The following ANP32A variants were observed in gnomAD, a reference collection of about 807,000 sequenced individuals.
The protein encoded by ANP32A is acidic leucine-rich nuclear phosphoprotein 32 family member A.
A neutral mutation model predicts 33.9 loss-of-function variants in ANP32A; 1 was observed. That is an observed-to-expected ratio of 0.03 (90% CI 0.01 to 0.14). ANP32A has a LOEUF of 0.14. Ranked by LOEUF, ANP32A falls within the 10% of genes least tolerant of loss-of-function variation. The pLI, the probability that ANP32A is intolerant of heterozygous loss-of-function variation, is 1.00. For synonymous variants in ANP32A, 115 were observed against 120.5 expected, an observed-to-expected ratio of 0.95 and a Z score of 0.30; for missense variants, 155 against 306.0, an observed-to-expected ratio of 0.51 and a Z score of 3.68.
chr15:68,812,471 A>G (rs1894326333), intron 1 of ANP32A, among the ~76,000 whole-genome samples: 1 of 152,126 alleles, frequency 6.6e-6, no homozygotes, highest in East Asian at 1.9e-4. Flanking sequence ...TATGCTGAGA[A>G]GGTTGGAGGG....
chr15:68,807,694 TAAC>T (rs967285816), intron 1 of ANP32A, among the ~76,000 whole-genome samples: 1 of 152,204 alleles, frequency 6.6e-6, no homozygotes, highest in African/African-American at 2.4e-5. Flanking sequence ...CTTTCCGTGC[TAAC>T]AACAAGCTCT....
chr15:68,784,447 T>A lies in ANP32A; in HGVS notation c.476A>T (p.Asp159Val). The A allele has an allele frequency of 6.2e-7, 1 of 1,614,030 alleles. No individual in the cohort carries two copies. Among genetic ancestry groups the A allele is most frequent in the Non-Finnish European group, 8.5e-7 (1 of 1,180,036 alleles). The change falls in exon 4 of 7, where the codon GAT becomes GTT. Residue 159 changes from aspartate (D) to valine (V), a missense_variant. Asp to Val is a radical substitution (Grantham distance 152, BLOSUM62 -3). This residue lies in a region of ANP32A where 85 missense variants were observed against 183.8 expected (regional missense o/e 0.46). Coordinates refer to ENST00000465139, the MANE Select transcript of ANP32A (RefSeq NM_006305.4). ...DRDDKEAPDS[D>V]AEGYVEGLDD... ...CAGGCCCTCCACGTAGCCCTCAGCA[T>A]CCGAGTCAGGGGCCTCCTTGTCGTC...
At chr15:68,787,597 A>G in intron 2 of ANP32A, 62 bp from the exon 3 acceptor site, 1 of 1,611,120 alleles carries the variant, frequency 6.2e-7, no homozygotes, top group Non-Finnish European at 8.5e-7. Context: ...ACCGGCTCAG[A>G]GCTGCCCGGC....
chr15:68,817,091 A>C (rs1306096609), intron 1 of ANP32A, among the ~76,000 whole-genome samples: 1 of 152,248 alleles, frequency 6.6e-6, no homozygotes, highest in Non-Finnish European at 1.5e-5. Context: ...TCAGCTCGTG[A>C]GGTGCTTAAC....
intron 1 of ANP32A, among the ~76,000 whole-genome samples, chr15:68,808,340 C>T (rs371201075): frequency 6.7e-6 from 1 of 150,020 alleles, no homozygotes; most frequent in African/African-American, 2.5e-5. Context: ...GGGTTGAAAT[C>T]GGCTTTACTA....
Position 68,816,899 on chromosome 15 carries a change from C to A in ANP32A, c.54+3799G>T, listed in dbSNP as rs185680541. On this transcript the variant is annotated intron_variant, in intron 1 of 6. Coordinates refer to ENST00000465139, the MANE Select transcript of ANP32A (RefSeq NM_006305.4). ...GAACTCAGGCTCAATTTTCTGCCTG[C>A]GAGTTCCTGGTTGGCTTGCATAAAC... Among the ~76,000 whole-genome samples, 3 of 152,262 alleles carry A rather than the reference C, an allele frequency of 2.0e-5. No individual in the cohort carries two copies. The East Asian group carries it at 5.8e-4, about 29-fold the overall frequency.
At chr15:68,782,588 T>A (rs1485551476) in intron 5 of ANP32A, among the ~76,000 whole-genome samples, 1 of 152,206 alleles carries the variant, frequency 6.6e-6, no homozygotes, top group East Asian at 1.9e-4. Context: ...GACTTTGGTT[T>A]TCCCTAGCAC....
In ANP32A at chr15:68,820,870, A is replaced by T; in HGVS notation, c.-119T>A. 8.2e-7 allele frequency: 1 copy of T among 1,217,374 alleles called. No homozygotes were observed. The highest frequency in any genetic ancestry group is 1.2e-6 in the Non-Finnish European group (1 of 847,096). The allele number at this position is 1,217,374 out of a possible 1,614,324, so 75.4% of individuals were successfully genotyped here. A position where few individuals can be genotyped will look rare whatever the true frequency, so the allele number is the denominator to read the frequency against. ...CTCAACCAGCTCCGCTCGGTTCTCG[A>T]GCCCCCAGCACCCGCGGCGCACACT... On this transcript the variant is annotated 5_prime_UTR_variant, in exon 1 of 7. Transcript: ENST00000465139.
At chr15:68,801,790 C>G (rs1248325906) in intron 1 of ANP32A, 1 of 154,110 alleles carries the variant, frequency 6.5e-6, no homozygotes, top group Non-Finnish European at 1.5e-5. Flanking sequence ...TCACTGTAAT[C>G]CTTCACTTTG....
intron 1 of ANP32A, among the ~76,000 whole-genome samples, chr15:68,789,055 T>C (rs1391154101): frequency 6.6e-6 from 1 of 152,186 alleles, no homozygotes; most frequent in African/African-American, 2.4e-5. Flanking sequence ...ACCCGGTGTG[T>C]GGCCCTCCAG....
intron 1 of ANP32A, among the ~76,000 whole-genome samples, chr15:68,811,125 T>C (rs369296901): frequency 3.1e-4 from 44 of 140,062 alleles, no homozygotes; most frequent in East Asian, 2.8e-3. Context: ...AGATAAGAAA[T>C]GAAGGCTGTT....
At chr15:68,797,655 CA>C (rs1894080648) in intron 1 of ANP32A, among the ~76,000 whole-genome samples, 1 of 152,194 alleles carries the variant, frequency 6.6e-6, no homozygotes, top group Admixed American at 6.5e-5. Flanking sequence ...CCCTGATGTG[CA>C]GCAAAAATAA....
chr15:68,798,601 C>T (rs1019153110), intron 1 of ANP32A, among the ~76,000 whole-genome samples: 1 of 152,180 alleles, frequency 6.6e-6, no homozygotes, highest in Non-Finnish European at 1.5e-5. Flanking sequence ...TCTCAAGACT[C>T]CAAACTTAGG....
chr15:68,784,990 C>T (rs1228709348), intron 3 of ANP32A, among the ~76,000 whole-genome samples: 2 of 152,334 alleles, frequency 1.3e-5, no homozygotes, highest in East Asian at 3.9e-4. Context: ...CAAAAGTCAA[C>T]TTGAACTAAC....
At chr15:68,803,400 C>G (rs1894165009) in intron 1 of ANP32A, among the ~76,000 whole-genome samples, 1 of 152,210 alleles carries the variant, frequency 6.6e-6, no homozygotes. Context: ...ATGCCTGTTC[C>G]ACAATGAGCA....
intron 3 of ANP32A, among the ~76,000 whole-genome samples, chr15:68,786,546 T>A (rs1567034535): frequency 6.6e-6 from 1 of 152,104 alleles, no homozygotes; most frequent in African/African-American, 2.4e-5. Context: ...AGGTGTGAGA[T>A]ACCACGCCCG....
At chr15:68,792,265 T>C (rs1047959362) in intron 1 of ANP32A, 2 of 152,204 alleles carry the variant, frequency 1.3e-5, no homozygotes, top group Non-Finnish European at 2.9e-5. Flanking sequence ...AATATCCAAA[T>C]GTGGTTACCC....
At chr15:68,817,862 T>C (rs1598077) in intron 1 of ANP32A, 140,776 of 151,898 alleles carry the variant, frequency 0.93, 65,805 homozygotes, top group Non-Finnish European at 0.98. Context: ...GTCGGGGTGA[T>C]GGCGCAAGAC....
rs544505762 is a variant in ANP32A at position 68,804,557 on chromosome 15, T to G, written c.54+16141A>C. On this transcript the variant is annotated intron_variant, in intron 1 of 6. Transcript: ENST00000465139. ...AAATCTAGTGTCTTCCCTTGTTTTCTGAGTCTCGCTCTGTGGCCAGGCTGG... is the reference window on the plus strand; with the variant it reads ...AAATCTAGTGTCTTCCCTTGTTTTCGGAGTCTCGCTCTGTGGCCAGGCTGG... 1.0e-3 allele frequency among the ~76,000 whole-genome samples: 155 copies of G among 152,368 alleles called. 2 individuals carry two copies. The highest frequency in any genetic ancestry group is 3.5e-3 in the African/African-American group (145 of 41,592).
Sources: gnomAD v4.1 joint callset for allele counts (sites outside exome capture counted in the v4.1 genomes callset) on GRCh38, gnomAD v4.1.1 for gene constraint, gnomAD v4.1.1 regional missense constraint, MANE v1.5 for transcripts, NCBI Gene and HGNC (gene_info 2026-07-23, HGNC 2026-07-21) for gene names.